The following SLC25A21 variants were observed in gnomAD, a reference collection of about 807,000 sequenced individuals.
The protein encoded by SLC25A21 is mitochondrial 2-oxodicarboxylate carrier.
In SLC25A21, 47 loss-of-function variants were observed where a neutral mutation model predicts 43.8. The ratio of observed to expected loss-of-function variants is 1.07; its 90% CI spans 0.85 to 1.37. SLC25A21 has a LOEUF of 1.37. SLC25A21 is among the 40% of genes most tolerant of loss of function. SLC25A21 has a pLI of 0.00. For synonymous variants in SLC25A21, 131 were observed against 121.3 expected (o/e 1.08, Z -0.52); for missense variants, 352 against 350.2 (o/e 1.00, Z -0.04).
At chr14:36,843,113 A>C (rs1235856890) in intron 2 of SLC25A21, among the ~76,000 whole-genome samples, 1 of 152,128 alleles carries the variant, frequency 6.6e-6, no homozygotes, top group Non-Finnish European at 1.5e-5. Flanking sequence ...ATGCTCATTC[A>C]CCTGCTGCTC....
intron 1 of SLC25A21, among the ~76,000 whole-genome samples, chr14:37,096,652 A>G (rs760957192): frequency 6.6e-6 from 1 of 151,858 alleles, no homozygotes; most frequent in Non-Finnish European, 1.5e-5. Flanking sequence ...TTTCTGAGAC[A>G]CTGTAATGTA....
chr14:36,748,997 A>G (rs1885603314), intron 3 of SLC25A21, among the ~76,000 whole-genome samples: 1 of 152,242 alleles, frequency 6.6e-6, no homozygotes, highest in Admixed American at 6.5e-5. Flanking sequence ...AGGGAAGTGT[A>G]AACAGACTGC....
intron 1 of SLC25A21, among the ~76,000 whole-genome samples, chr14:37,108,466 C>T (rs1000807739): frequency 6.6e-6 from 1 of 152,094 alleles, no homozygotes; most frequent in Non-Finnish European, 1.5e-5. Flanking sequence ...ATCCACTTTA[C>T]GGTTGACTCA....
rs148097801 is a variant in SLC25A21, at chr14:36,813,940, G to T, written c.181C>A (p.Arg61=). The change falls in exon 3 of 10, where the codon CGA becomes AGA. Residue 61 remains arginine, a synonymous_variant. Transcript: ENST00000331299. ...TACCCTTCCATTTGGAAAATCATTC[G>T]AAAGCTGTCTACCAAGCTTTTATAA... ...NSYKSLVDSF[R]MIFQMEGLFG... 6.2e-7 allele frequency: 1 copy of T among 1,607,764 alleles called. No individual in the cohort carries two copies. Among genetic ancestry groups the T allele is most frequent in the Non-Finnish European group, 8.5e-7 (1 of 1,177,520 alleles).
chr14:36,739,220 A>T (rs1371319469), intron 3 of SLC25A21, among the ~76,000 whole-genome samples: 1 of 152,240 alleles, frequency 6.6e-6, no homozygotes, highest in African/African-American at 2.4e-5. Context: ...TTAAAGTAAT[A>T]TGAAATACTA....
At chr14:36,818,296 T>C (rs759408986) in intron 2 of SLC25A21, among the ~76,000 whole-genome samples, 23 of 152,296 alleles carry the variant, frequency 1.5e-4, no homozygotes, top group Non-Finnish European at 3.1e-4. Context: ...CCACAGATTT[T>C]AGAACAGGCA....
intron 1 of SLC25A21, among the ~76,000 whole-genome samples, chr14:36,983,852 A>G (rs1960085852): frequency 1.3e-5 from 2 of 152,150 alleles, no homozygotes; most frequent in African/African-American, 4.8e-5. Context: ...ACATGGATGG[A>G]GCTGGAGGGC....
Position 37,145,593 on chromosome 14 carries a change from G to A in SLC25A21, c.70+26688C>T, listed in dbSNP as rs1275356924. Among the ~76,000 whole-genome samples, 3 of 152,040 alleles carry A rather than the reference G, an allele frequency of 2.0e-5. No homozygotes were observed. The East Asian group carries it at 5.8e-4, about 29-fold the overall frequency. ...TGAGTAAGTCCCCTATCATATGACTGCCACATGTGTGGGATTGACTCAGAT... is the reference window on the plus strand; with the variant it reads ...TGAGTAAGTCCCCTATCATATGACTACCACATGTGTGGGATTGACTCAGAT... On this transcript the variant is annotated intron_variant, in intron 1 of 9. Transcript: ENST00000331299.
intron 1 of SLC25A21, among the ~76,000 whole-genome samples, chr14:37,074,546 A>G (rs1320041322): frequency 6.6e-5 from 10 of 152,176 alleles, no homozygotes; most frequent in African/African-American, 2.4e-4. Context: ...AGAATTCAAA[A>G]GGCAGCCAGG....
intron 1 of SLC25A21, among the ~76,000 whole-genome samples, chr14:37,122,467 G>T (rs548377088): frequency 6.6e-6 from 1 of 152,282 alleles, no homozygotes; most frequent in African/African-American, 2.4e-5. Context: ...AAATGGCCAG[G>T]ACTCAATTAA....
At chr14:36,762,064 T>C (rs189259786) in intron 3 of SLC25A21, among the ~76,000 whole-genome samples, 174 of 152,324 alleles carry the variant, frequency 1.1e-3, no homozygotes, top group Non-Finnish European at 1.4e-3. Flanking sequence ...TATTTGCATA[T>C]GTGAGCAGGT....
intron 1 of SLC25A21, among the ~76,000 whole-genome samples, chr14:37,159,281 G>A (rs1424159826): frequency 6.6e-6 from 1 of 151,234 alleles, no homozygotes; most frequent in African/African-American, 2.4e-5. Flanking sequence ...GCAATCCTGA[G>A]CAAAAAGAAC....
intron 4 of SLC25A21, among the ~76,000 whole-genome samples, chr14:36,733,654 G>A (rs1251599016): frequency 2.6e-5 from 4 of 152,228 alleles, no homozygotes; most frequent in South Asian, 2.1e-4. Context: ...TCACACACAT[G>A]AGTAATGTAT....
At chr14:36,932,394 A>G (rs1387783164) in intron 1 of SLC25A21, among the ~76,000 whole-genome samples, 2 of 152,112 alleles carry the variant, frequency 1.3e-5, no homozygotes, top group African/African-American at 4.8e-5. Context: ...AGGTTGTCCT[A>G]TTTAAGCACT....
chr14:36,811,661 C>A (rs1451449084), intron 3 of SLC25A21, among the ~76,000 whole-genome samples: 1 of 151,878 alleles, frequency 6.6e-6, no homozygotes, highest in Non-Finnish European at 1.5e-5. Flanking sequence ...CAAAAAAAAC[C>A]CCCAAAGCAA....
intron 7 of SLC25A21, among the ~76,000 whole-genome samples, chr14:36,697,122 T>C (rs1383668193): frequency 6.6e-6 from 1 of 152,238 alleles, no homozygotes; most frequent in Admixed American, 6.5e-5. Context: ...TTTGTTCTCA[T>C]TGGTTTCAAA....
Position 36,954,891 on chromosome 14 carries a change from A to C in SLC25A21, c.71-79887T>G, listed in dbSNP as rs1182292020. 3.3e-5 allele frequency among the ~76,000 whole-genome samples: 5 copies of C among 152,194 alleles called. 1 individual carries two copies. The South Asian group carries it at 8.3e-4, about 25-fold the overall frequency. ...TAGGCATCCTTTAAGGCCCAGCTCA[A>C]ATATTGCCACTCCTAGGATGTTTAG... On this transcript the variant is annotated intron_variant, in intron 1 of 9. Transcript: ENST00000331299.
chr14:36,888,138 T>C (rs1172509848), intron 1 of SLC25A21, among the ~76,000 whole-genome samples: 5 of 152,352 alleles, frequency 3.3e-5, no homozygotes, highest in African/African-American at 1.2e-4. Flanking sequence ...AGCATGCTAC[T>C]GCCCAAATCT....
At position 36,857,359 on chromosome 14, in the gene SLC25A21, C is replaced by T. The variant is rs2138525580; in HGVS notation, c.119+17597G>A. Among the ~76,000 whole-genome samples the T allele has an allele frequency of 2.0e-5, 3 of 152,248 alleles. No homozygotes were observed. In the Middle Eastern group the frequency reaches 0.01, roughly 521 times the overall value. ...GGGAGTCTCTATTTAAACAGGTGAC[C>T]TTGCAGAGAGAGGCTCCAGATCCCA... On this transcript the variant is annotated intron_variant, in intron 2 of 9. Coordinates refer to ENST00000331299, the MANE Select transcript of SLC25A21 (RefSeq NM_030631.4).
Sources: gnomAD v4.1 joint callset for allele counts (sites outside exome capture counted in the v4.1 genomes callset) on GRCh38, gnomAD v4.1.1 for gene constraint, MANE v1.5 for transcripts, NCBI Gene and HGNC (gene_info 2026-07-23, HGNC 2026-07-21) for gene names.